The following SDK1 variants were observed in gnomAD, a reference collection of about 807,000 sequenced individuals.
SDK1 encodes the protein sidekick cell adhesion molecule 1, also known as protein sidekick-1.
In SDK1, 157 loss-of-function variants were observed where a neutral mutation model predicts 245.5. The ratio of observed to expected loss-of-function variants is 0.64; its 90% CI spans 0.56 to 0.73. The LOEUF is 0.73. SDK1 is among the 30% of genes least tolerant of loss of function. The probability of loss-of-function intolerance (pLI) is 0.00; values close to 1 mark genes in which losing one functional copy is unlikely to be tolerated. For missense variants in SDK1, 3,583 were observed against 3,002.3 expected (o/e 1.19, Z -4.52); for synonymous variants, 1,647 against 1,278.5 (o/e 1.29, Z -6.15).
intron 4 of SDK1, among the ~76,000 whole-genome samples, chr7:3,688,473 A>G (rs1232828132): frequency 6.6e-6 from 1 of 152,254 alleles, no homozygotes; most frequent in Non-Finnish European, 1.5e-5. Context: ...AATAAATGAG[A>G]TAATTAACAC....
intron 4 of SDK1, among the ~76,000 whole-genome samples, chr7:3,814,432 G>A (rs1324518230): frequency 6.6e-6 from 1 of 151,298 alleles, no homozygotes; most frequent in African/African-American, 2.5e-5. Context: ...TAGGTATGCG[G>A]CGTTATTTCT....
chr7:3,596,855 A>G (rs1025676089), intron 1 of SDK1, among the ~76,000 whole-genome samples: 1 of 152,214 alleles, frequency 6.6e-6, no homozygotes, highest in African/African-American at 2.4e-5. Context: ...AAAGGAAAGC[A>G]CCATAAAAGA....
chr7:3,966,463 C>G (rs1173001694), intron 9 of SDK1, among the ~76,000 whole-genome samples: 1 of 152,064 alleles, frequency 6.6e-6, no homozygotes, highest in African/African-American at 2.4e-5. Context: ...CCATCAGGAG[C>G]TCCTCCTGTC....
At chr7:3,538,013 T>C (rs1345598092) in intron 1 of SDK1, among the ~76,000 whole-genome samples, 2 of 152,208 alleles carry the variant, frequency 1.3e-5, no homozygotes, top group African/African-American at 2.4e-5. Context: ...CAGGCACTGA[T>C]GGTTTTTTTC....
chr7:3,436,453 G>T (rs938499671), intron 1 of SDK1, among the ~76,000 whole-genome samples: 2 of 152,024 alleles, frequency 1.3e-5, no homozygotes, highest in Non-Finnish European at 2.9e-5. Context: ...TGTCATGCTT[G>T]TCATTCTAAT....
At chr7:3,862,067 A>C (rs1441022549) in intron 5 of SDK1, among the ~76,000 whole-genome samples, 1 of 152,212 alleles carries the variant, frequency 6.6e-6, no homozygotes, top group Non-Finnish European at 1.5e-5. Flanking sequence ...GCTCCTTGCC[A>C]ATGGTGGGTG....
At chr7:3,709,981 T>C (rs942007703) in intron 4 of SDK1, among the ~76,000 whole-genome samples, 1 of 152,262 alleles carries the variant, frequency 6.6e-6, no homozygotes, top group African/African-American at 2.4e-5. Flanking sequence ...TTTATATCTT[T>C]TCATCATTTC....
chr7:3,997,387 G>T (rs1784760812), intron 14 of SDK1, among the ~76,000 whole-genome samples: 1 of 152,212 alleles, frequency 6.6e-6, no homozygotes, highest in African/African-American at 2.4e-5. Flanking sequence ...TCTCAGCAGA[G>T]AGGAGGCCTG....
intron 5 of SDK1, among the ~76,000 whole-genome samples, chr7:3,949,815 G>C (rs1393152302): frequency 1.3e-5 from 2 of 152,170 alleles, no homozygotes; most frequent in Non-Finnish European, 2.9e-5. Flanking sequence ...AAAAAACATA[G>C]ATTCAGGATA....
chr7:3,724,564 A>G (rs916940578), intron 4 of SDK1, among the ~76,000 whole-genome samples: 13 of 152,332 alleles, frequency 8.5e-5, no homozygotes, highest in African/African-American at 3.1e-4. Flanking sequence ...CTAATATTGA[A>G]CTGTACTAGG....
At chr7:3,999,331 A>G (rs529235622) in intron 14 of SDK1, among the ~76,000 whole-genome samples, 34 of 152,352 alleles carry the variant, frequency 2.2e-4, no homozygotes, top group African/African-American at 8.2e-4. Context: ...AGATACCAGG[A>G]AGAGCGTGAG....
intron 4 of SDK1, among the ~76,000 whole-genome samples, chr7:3,741,375 C>G (rs559172480): frequency 4.3e-4 from 65 of 152,346 alleles, no homozygotes; most frequent in Non-Finnish European, 8.1e-4. Context: ...CATCTTTGCT[C>G]TGTGATCCTG....
intron 4 of SDK1, among the ~76,000 whole-genome samples, chr7:3,794,935 A>C (rs962635302): frequency 1.6e-5 from 2 of 122,246 alleles, no homozygotes; most frequent in Admixed American, 7.3e-5. Flanking sequence ...CTTTTTATTT[A>C]AAAAAAAAAA....
chr7:3,556,958 A>G (rs1405018968), intron 1 of SDK1, among the ~76,000 whole-genome samples: 2 of 152,126 alleles, frequency 1.3e-5, no homozygotes, highest in Admixed American at 6.5e-5. Context: ...CCCCTTAAAT[A>G]TTTACACATA....
intron 1 of SDK1, among the ~76,000 whole-genome samples, chr7:3,600,551 G>GTTTTTTGT (rs1781222026): frequency 9.2e-6 from 1 of 109,054 alleles, no homozygotes. Flanking sequence ...ATTAGATGTA[G>GTTTTTTGT]TTTTTTTTTT....
intron 4 of SDK1, among the ~76,000 whole-genome samples, chr7:3,676,238 C>G (rs1316913165): frequency 6.6e-6 from 1 of 151,862 alleles, no homozygotes. Flanking sequence ...AGACTGGTCT[C>G]AAACTCCTGG....
intron 4 of SDK1, among the ~76,000 whole-genome samples, chr7:3,759,064 T>C (rs1780019476): frequency 1.3e-5 from 2 of 152,232 alleles, no homozygotes; most frequent in Admixed American, 6.5e-5. Flanking sequence ...GTAGCATTTG[T>C]GTAAACTACC....
At chr7:3,662,245 A>G (rs1783387907) in intron 4 of SDK1, among the ~76,000 whole-genome samples, 1 of 152,158 alleles carries the variant, frequency 6.6e-6, no homozygotes, top group African/African-American at 2.4e-5. Flanking sequence ...TCCTACGGGA[A>G]AAGTTGTAAC....
intron 35 of SDK1, among the ~76,000 whole-genome samples, chr7:4,185,417 T>C (rs573092121): frequency 6.6e-6 from 1 of 152,330 alleles, no homozygotes; most frequent in Admixed American, 6.5e-5. Context: ...CCTGCACTCC[T>C]GCCCAGACCC....
Sources: allele counts gnomAD v4.1 joint callset (sites outside exome capture counted in the v4.1 genomes callset), GRCh38; gene constraint gnomAD v4.1.1; transcripts MANE v1.5; gene names NCBI Gene and HGNC (gene_info 2026-07-23, HGNC 2026-07-21).